Variants in C9orf85 observed in about 807,000 individuals in gnomAD.
C9orf85 encodes the protein uncharacterized protein C9orf85.
Under a neutral mutation model 14.9 loss-of-function variants are expected in C9orf85, and 16 were observed. The observed-to-expected ratio is 1.08, with a 90% CI of 0.73 to 1.63. The LOEUF is 1.63. Among genes scored for constraint, C9orf85 ranks in the 40% most tolerant of loss-of-function variants. The probability of loss-of-function intolerance (pLI) is 0.00; values close to 1 mark genes in which losing one functional copy is unlikely to be tolerated. For missense variants in C9orf85, 172 were observed against 186.1 expected (o/e 0.92, Z 0.44); for synonymous variants, 45 against 56.8 (o/e 0.79, Z 0.93).
chr9:71,965,576 T>C (rs539274292), intron 2 of C9orf85, among the ~76,000 whole-genome samples: 39 of 152,244 alleles, frequency 2.6e-4, no homozygotes, highest in African/African-American at 9.4e-4. Flanking sequence ...CTCTGGTAGG[T>C]GGTGTGCACC....
At chr9:71,981,748 A>AT (rs766459202) in intron 3 of C9orf85, among the ~76,000 whole-genome samples, 50 of 152,216 alleles carry the variant, frequency 3.3e-4, no homozygotes, top group South Asian at 6.2e-4. Context: ...TGGGGCTATG[A>AT]TTTTTTTGCT....
At chr9:71,963,068 AG>A (rs1436509632) in intron 2 of C9orf85, among the ~76,000 whole-genome samples, 3 of 152,112 alleles carry the variant, frequency 2.0e-5, no homozygotes, top group African/African-American at 4.8e-5. Flanking sequence ...CCAAAAAAAA[AG>A]GTTGTGTTAC....
chr9:71,947,579 A>G (rs1305833575), intron 2 of C9orf85, among the ~76,000 whole-genome samples: 1 of 152,048 alleles, frequency 6.6e-6, no homozygotes, highest in Admixed American at 6.6e-5. Flanking sequence ...TTGGGAATAG[A>G]GGTCTAAATG....
chr9:71,956,793 A>G (rs1408185630), intron 2 of C9orf85, among the ~76,000 whole-genome samples: 2 of 152,202 alleles, frequency 1.3e-5, no homozygotes, highest in Non-Finnish European at 2.9e-5. Context: ...AGGGATTCTC[A>G]GTCTATACTA....
rs1422983939 is a variant in C9orf85 at position 71,973,113 on chromosome 9, C to CTGT, written c.*271_*272insTGT. ...TGAGCTGAGTTCGTGCCATTACACT[C>CTGT]CAGCCTGGGTGACAGAGTGAGACTC... On this transcript the variant is annotated 3_prime_UTR_variant, in exon 4 of 4. Coordinates refer to ENST00000334731, the MANE Select transcript of C9orf85 (RefSeq NM_182505.5). 1 of 174,644 alleles carries CTGT rather than the reference C, an allele frequency of 5.7e-6. No homozygotes were observed. Among genetic ancestry groups the CTGT allele is most frequent in the Non-Finnish European group, 1.2e-5 (1 of 82,492 alleles). 10.8% of individuals were successfully genotyped at this position (174,644 alleles called of 1,614,324 possible).
chr9:71,948,051 TAATTGCTGC>T (rs1822144578), intron 2 of C9orf85, among the ~76,000 whole-genome samples: 1 of 152,190 alleles, frequency 6.6e-6, no homozygotes, highest in South Asian at 2.1e-4. Context: ...TATTGGAGAG[TAATTGCTGC>T]ATGAAAGAGA....
Position 71,911,796 on chromosome 9 carries a change from G to A in C9orf85, c.62G>A (p.Ser21Asn). The A allele has an allele frequency of 1.9e-6, 3 of 1,614,126 alleles. No homozygotes were observed. The highest frequency in any genetic ancestry group is 1.7e-5 in the Admixed American group (1 of 60,020). ...SRPQKHQNTF[S>N]FKNDKFDKSV... The stretch of plus-strand genomic sequence containing the variant: ...CCTCAGAAGCACCAGAATACGTTTA[G>A]CTTCAAAAATGACAAGTTCGATAAA... The change falls in exon 1 of 4, where the codon AGC (serine) becomes AAC (asparagine). Residue 21 changes from serine to asparagine, a missense_variant. By Grantham distance (46) the Ser-to-Asn change is conservative. Transcript: ENST00000334731.
chr9:71,978,928 G>A (rs764356228), intron 3 of C9orf85, among the ~76,000 whole-genome samples: 3 of 152,154 alleles, frequency 2.0e-5, no homozygotes, highest in African/African-American at 4.8e-5. Context: ...CCAGCTACTT[G>A]GGAGGCTGAG....
chr9:71,961,333 G>A (rs1013449484), intron 2 of C9orf85, among the ~76,000 whole-genome samples: 2 of 151,964 alleles, frequency 1.3e-5, no homozygotes, highest in Non-Finnish European at 2.9e-5. Flanking sequence ...AGGCCAAGGC[G>A]GGTGGATCAT....
chr9:71,940,104 A>G (rs2132293435), intron 1 of C9orf85, among the ~76,000 whole-genome samples: 1 of 152,316 alleles, frequency 6.6e-6, no homozygotes, highest in East Asian at 1.9e-4. Flanking sequence ...TATTAAGATA[A>G]TGGAAATGAA....
chr9:71,985,999 A>G (rs1470959313), downstream of C9orf85: 3 of 152,250 alleles, frequency 2.0e-5, no homozygotes, highest in Non-Finnish European at 4.4e-5. Context: ...TAAGTGACAG[A>G]AAGAATAAAG....
chr9:71,947,275 TG>T (rs1358020407), intron 2 of C9orf85, among the ~76,000 whole-genome samples, 163 bp downstream of exon 2: 1 of 152,232 alleles, frequency 6.6e-6, no homozygotes, highest in African/African-American at 2.4e-5. Flanking sequence ...AATCTTGGTT[TG>T]TGAAGGCCGA....
intron 2 of C9orf85, among the ~76,000 whole-genome samples, chr9:71,967,697 A>G (rs1353520497): frequency 6.9e-6 from 1 of 145,236 alleles, no homozygotes; most frequent in Non-Finnish European, 1.5e-5. Context: ...TCTTCTTTTC[A>G]ATCTCTATGA....
intron 2 of C9orf85, among the ~76,000 whole-genome samples, chr9:71,965,132 G>A (rs1321894364): frequency 6.6e-6 from 1 of 152,144 alleles, no homozygotes; most frequent in Non-Finnish European, 1.5e-5. Context: ...TAATAGAGTA[G>A]AAACAGAGCT....
intron 1 of C9orf85, among the ~76,000 whole-genome samples, chr9:71,919,364 T>TTAAG: frequency 1.3e-5 from 2 of 152,312 alleles, no homozygotes; most frequent in Middle Eastern, 6.8e-3. Flanking sequence ...GCATCAGCAA[T>TTAAG]TAAGGGTAGC....
intron 1 of C9orf85, among the ~76,000 whole-genome samples, chr9:71,930,794 A>T (rs1174179826): frequency 1.5e-5 from 2 of 131,622 alleles, no homozygotes; most frequent in Non-Finnish European, 3.1e-5. Flanking sequence ...ACAGAGCAAG[A>T]CCCTGTCTCA....
chr9:71,972,584 A>G, intron 3 of C9orf85, 108 bp from the exon 4 acceptor site: 1 of 779,716 alleles, frequency 1.3e-6, no homozygotes, highest in South Asian at 2.1e-5. Flanking sequence ...TACTTACTTC[A>G]TTAGGTTTCT....
At chr9:71,949,032 T>C (rs936702439) in intron 2 of C9orf85, among the ~76,000 whole-genome samples, 9 of 152,240 alleles carry the variant, frequency 5.9e-5, no homozygotes, top group Non-Finnish European at 1.3e-4. Context: ...TAATTAGATG[T>C]TGATTGCAAA....
intron 2 of C9orf85, among the ~76,000 whole-genome samples, chr9:71,969,874 T>C (rs1822811161): frequency 6.6e-6 from 1 of 152,148 alleles, no homozygotes; most frequent in Admixed American, 6.6e-5. Flanking sequence ...ATTTTCTAGA[T>C]ATTTTCTGTT....
Sources: gnomAD v4.1 joint callset for allele counts (sites outside exome capture counted in the v4.1 genomes callset) on GRCh38, gnomAD v4.1.1 for gene constraint, MANE v1.5 for transcripts, NCBI Gene and HGNC (gene_info 2026-07-23, HGNC 2026-07-21) for gene names.